CPEB3: variants seen among roughly 807,000 people sequenced by gnomAD.
The protein encoded by CPEB3 is cytoplasmic polyadenylation element-binding protein 3.
In CPEB3, 20 loss-of-function variants were observed where a neutral mutation model predicts 67.2. That is an observed-to-expected ratio of 0.30 (90% CI 0.21 to 0.43). The LOEUF is 0.43. Ranked by LOEUF, CPEB3 falls within the 20% of genes least tolerant of loss-of-function variation. CPEB3 has a pLI of 1.00. For synonymous variants in CPEB3, 376 were observed against 393.1 expected (o/e 0.96, Z 0.51); for missense variants, 746 against 968.6 (o/e 0.77, Z 3.05).
intron 2 of CPEB3, among the ~76,000 whole-genome samples, chr10:92,226,675 G>A (rs951692406): frequency 6.6e-6 from 1 of 152,214 alleles, no homozygotes; most frequent in African/African-American, 2.4e-5. Flanking sequence ...TACAGAGAGT[G>A]ATGAATACTG....
intron 4 of CPEB3, among the ~76,000 whole-genome samples, chr10:92,171,788 T>C (rs1424284849): frequency 6.6e-6 from 1 of 152,142 alleles, no homozygotes; most frequent in Non-Finnish European, 1.5e-5. Context: ...CTAATTTTTG[T>C]ATTTTTACTA....
In CPEB3 at chr10:92,257,519, C is replaced by G. The variant is rs998081998; in HGVS notation, c.-11-17158G>C. Reference sequence around the variant, plus strand: ...CCATGTTGCCCAGGCTGGTTTCAAACTCCTGGGCTCAGGCAATCCTCCTGC... The same window carrying G: ...CCATGTTGCCCAGGCTGGTTTCAAAGTCCTGGGCTCAGGCAATCCTCCTGC... On this transcript the variant is annotated intron_variant, in intron 1 of 9. Transcript: ENST00000265997. Among the ~76,000 whole-genome samples, 8 of 152,144 alleles carry G rather than the reference C, an allele frequency of 5.3e-5. No homozygotes were observed. In the East Asian group the frequency reaches 1.5e-3, roughly 29 times the overall value.
chr10:92,272,070 G>A (rs903384258), intron 1 of CPEB3: 1 of 151,804 alleles, frequency 6.6e-6, no homozygotes, highest in African/African-American at 2.4e-5. Flanking sequence ...TTATTATTTT[G>A]TTGTTCAAAA....
In CPEB3 at chr10:92,061,415, G is replaced by A. The variant is rs558867951; in HGVS notation, c.1870-8976C>T. On this transcript the variant is annotated intron_variant, in intron 9 of 9. Transcript: ENST00000265997. ...GCCTGGGTGAAAAGAGCGAAATTCT[G>A]TCTCAAAAAAAAAAAAAAAAAAAAA... 9.6e-5 allele frequency among the ~76,000 whole-genome samples: 9 copies of A among 93,356 alleles called. No individual in the cohort carries two copies. The East Asian group carries it at 2.5e-3, about 25-fold the overall frequency. The allele number at this position is 93,356 out of a possible 152,430, so 61.2% of individuals were successfully genotyped here.
At chr10:92,278,028 C>CA (rs1024898103) in intron 1 of CPEB3, among the ~76,000 whole-genome samples, 2 of 150,664 alleles carry the variant, frequency 1.3e-5, no homozygotes, top group African/African-American at 2.4e-5. Context: ...ACTAAAAATA[C>CA]AAAAAAAATT....
intron 9 of CPEB3, among the ~76,000 whole-genome samples, chr10:92,074,956 A>G (rs1842882328): frequency 1.4e-5 from 2 of 138,436 alleles, no homozygotes; most frequent in Admixed American, 1.5e-4. Flanking sequence ...TTACCCTCCT[A>G]TATATCCTCC....
At chr10:92,129,573 G>A (rs1446182869) in intron 6 of CPEB3, among the ~76,000 whole-genome samples, 4 of 152,072 alleles carry the variant, frequency 2.6e-5, no homozygotes, top group Non-Finnish European at 4.4e-5. Flanking sequence ...GAACCAGATT[G>A]CTTTGTTCTG....
intron 1 of CPEB3, among the ~76,000 whole-genome samples, chr10:92,254,247 A>C (rs555505672): frequency 6.6e-6 from 1 of 152,162 alleles, no homozygotes; most frequent in East Asian, 1.9e-4. Flanking sequence ...AAAAAATGCA[A>C]AGTTCCTTGA....
At chr10:92,268,572 C>T (rs72807279) in intron 1 of CPEB3, among the ~76,000 whole-genome samples, 4 of 152,314 alleles carry the variant, frequency 2.6e-5, no homozygotes, top group Non-Finnish European at 5.9e-5. Context: ...CTTGGCAACA[C>T]ACCCTTCTCT....
chr10:92,251,940 CAAAAA>C (rs1687596425), intron 1 of CPEB3, among the ~76,000 whole-genome samples: 1 of 128,960 alleles, frequency 7.8e-6, no homozygotes, highest in Admixed American at 8.1e-5. Context: ...GACTCCATCT[CAAAAA>C]GAAAAAAAAA....
At chr10:92,213,422 G>T (rs1850190679) in intron 2 of CPEB3, among the ~76,000 whole-genome samples, 1 of 152,132 alleles carries the variant, frequency 6.6e-6, no homozygotes, top group Non-Finnish European at 1.5e-5. Context: ...TTTGAAAAGG[G>T]TAATTTATAA....
In CPEB3 at chr10:92,226,837, A is replaced by T. The variant is rs541574280; in HGVS notation, c.1005+12509T>A. On this transcript the variant is annotated intron_variant, in intron 2 of 9. Transcript: ENST00000265997. ...GCAGGAGGGGCCAGGAGCTGGGAGA[A>T]GGGGCCTGTGGGGGTGGGGGCCTGG... Among the ~76,000 whole-genome samples, 4 of 39,022 alleles carry T rather than the reference A, an allele frequency of 1.0e-4. No homozygotes were observed. In the South Asian group the frequency reaches 3.0e-3, roughly 29 times the overall value. The allele number at this position is 39,022 out of a possible 152,430, so 25.6% of individuals were successfully genotyped here. A position where few individuals can be genotyped will look rare whatever the true frequency, so the allele number is the denominator to read the frequency against.
chr10:92,278,820 C>G (rs893615593), intron 1 of CPEB3, among the ~76,000 whole-genome samples: 1 of 151,646 alleles, frequency 6.6e-6, no homozygotes, highest in Non-Finnish European at 1.5e-5. Context: ...AGGATGGTCT[C>G]GATCTCCTGA....
At chr10:92,200,450 CAGG>C (rs1011071551) in intron 2 of CPEB3, among the ~76,000 whole-genome samples, 3 of 145,336 alleles carry the variant, frequency 2.1e-5, no homozygotes, top group African/African-American at 7.7e-5. Context: ...GAGGCTGAGG[CAGG>C]AGAATTGCTT....
At chr10:92,101,341 T>C (rs1251452754) in intron 7 of CPEB3, among the ~76,000 whole-genome samples, 2 of 152,136 alleles carry the variant, frequency 1.3e-5, no homozygotes, top group East Asian at 1.9e-4. Context: ...AGTCTCCATT[T>C]TTCTCTCCCC....
intron 2 of CPEB3, among the ~76,000 whole-genome samples, chr10:92,199,391 CA>C (rs61159896): frequency 0.31 from 23,583 of 76,326 alleles, 2,106 homozygotes; most frequent in Middle Eastern, 0.41. Context: ...AACTCTGTCT[CA>C]AAAAAAAAAA....
At chr10:92,146,510 T>A (rs1440887244) in intron 4 of CPEB3, among the ~76,000 whole-genome samples, 2 of 151,664 alleles carry the variant, frequency 1.3e-5, no homozygotes, top group African/African-American at 4.8e-5. Flanking sequence ...GAAACCTAGG[T>A]TTTTGTGTCA....
chr10:92,095,843 T>C (rs1843847181), intron 7 of CPEB3, among the ~76,000 whole-genome samples: 2 of 151,880 alleles, frequency 1.3e-5, no homozygotes, highest in Admixed American at 1.3e-4. Context: ...CTGTGGGTTC[T>C]GAGTCTGCAA....
intron 4 of CPEB3, among the ~76,000 whole-genome samples, chr10:92,151,241 T>C (rs1590247174): frequency 6.6e-6 from 1 of 152,090 alleles, no homozygotes; most frequent in East Asian, 1.9e-4. Context: ...ACCTCTGAGC[T>C]CCCACCAAGG....
Sources: gnomAD v4.1 joint callset for allele counts (sites outside exome capture counted in the v4.1 genomes callset) on GRCh38, gnomAD v4.1.1 for gene constraint, MANE v1.5 for transcripts, NCBI Gene and HGNC (gene_info 2026-07-23, HGNC 2026-07-21) for gene names.